ZKSCAN2: variants seen among roughly 807,000 people sequenced by gnomAD.
ZKSCAN2 encodes zinc finger protein with KRAB and SCAN domains 2.
In ZKSCAN2, 38 loss-of-function variants were observed where a neutral mutation model predicts 90.5. That is an observed-to-expected ratio of 0.42 (90% CI 0.32 to 0.55). The LOEUF is 0.55. Among genes scored for constraint, ZKSCAN2 ranks in the 20% least tolerant of loss-of-function variants. ZKSCAN2 has a pLI of 0.11. For missense variants in ZKSCAN2, 1,167 were observed against 1,202.6 expected (o/e 0.97, Z 0.44); for synonymous variants, 429 against 421.6 (o/e 1.02, Z -0.22).
Position 25,240,405 on chromosome 16 carries a change from T to A in ZKSCAN2, c.2315A>T (p.Glu772Val). The A allele has an allele frequency of 1.2e-6, 2 of 1,614,212 alleles. No individual in the cohort carries two copies. Among genetic ancestry groups the A allele is most frequent in the Non-Finnish European group, 1.7e-6 (2 of 1,180,032 alleles). ...RLMCRMTHHK[E>V]NPYKCGVCGK... ...ACAGACACCACACTTGTAAGGATTCTCCTTGTGGTGGGTCATCCGGCACAT... is the reference window on the plus strand; with the variant it reads ...ACAGACACCACACTTGTAAGGATTCACCTTGTGGTGGGTCATCCGGCACAT... The change falls in exon 7 of 7, where the codon GAG becomes GTG. Residue 772 changes from glutamate to valine, a missense_variant. Glu to Val is a moderately radical substitution (Grantham distance 121, BLOSUM62 -2). Coordinates refer to ENST00000328086, the MANE Select transcript of ZKSCAN2 (RefSeq NM_001012981.5).
chr16:25,250,446 G>A (rs1210397871), intron 4 of ZKSCAN2, among the ~76,000 whole-genome samples: 1 of 152,194 alleles, frequency 6.6e-6, no homozygotes, highest in Admixed American at 6.6e-5. Flanking sequence ...GAGAAAGTGA[G>A]AAGAGAACAG....
chr16:25,242,058 G>C (rs1422570764), intron 6 of ZKSCAN2, among the ~76,000 whole-genome samples: 1 of 152,098 alleles, frequency 6.6e-6, no homozygotes, highest in African/African-American at 2.4e-5. Context: ...TTGTAGAGAT[G>C]GGGTGTATGT....
At chr16:25,247,916 A>C (rs1480670890) in intron 4 of ZKSCAN2, among the ~76,000 whole-genome samples, 1 of 152,192 alleles carries the variant, frequency 6.6e-6, no homozygotes, top group Non-Finnish European at 1.5e-5. Flanking sequence ...AGACCAGTAG[A>C]ACAGAATAGA....
rs1483077425 is a variant in ZKSCAN2, at chr16:25,247,130, T to C, written c.1066A>G (p.Lys356Glu). ...EETKTFLAIL[K>E]ESRFYETLQA... ...AGTGTTTCATAAAAGCGAGACTCTT[T>C]GAGAATTGCCAGGAAAGTCTTTGTT... Residue 356 changes from lysine to glutamate, a missense_variant, in exon 5 of 7, where the codon AAA becomes GAA. Coordinates refer to ENST00000328086, the MANE Select transcript of ZKSCAN2 (RefSeq NM_001012981.5). 1 of 1,613,856 alleles carries C rather than the reference T, an allele frequency of 6.2e-7. No homozygotes were observed. The highest frequency in any genetic ancestry group is 8.5e-7 in the Non-Finnish European group (1 of 1,179,836).
Position 25,240,522 on chromosome 16 carries a change from C to T in ZKSCAN2, c.2198G>A (p.Gly733Glu), listed in dbSNP as rs1420682960. ...GKPMSQPRDL[G>E]KAVVHQRPFV... ...AGGCCTCTGATGCACAACGGCTTTC[C>T]CTAAATCTCTAGGCTGAGACATCGG... Residue 733 changes from glycine (G) to glutamate (E), a missense_variant, in exon 7 of 7, where the codon GGG (glycine) becomes GAG (glutamate). Transcript: ENST00000328086. 1 of 1,614,174 alleles carries T rather than the reference C, an allele frequency of 6.2e-7. No individual in the cohort carries two copies. Among genetic ancestry groups the T allele is most frequent in the Non-Finnish European group, 8.5e-7 (1 of 1,180,036 alleles).
In ZKSCAN2 at chr16:25,240,238, C is replaced by G; in HGVS notation, c.2482G>C (p.Glu828Gln). The change falls in exon 7 of 7, where the codon GAG becomes CAG. Residue 828 changes from glutamate (E) to glutamine (Q), a missense_variant. Coordinates refer to ENST00000328086, the MANE Select transcript of ZKSCAN2 (RefSeq NM_001012981.5). ...CACTCTCCGCATCTGTAGGGTTTCT[C>G]TCCTGTGTGGATTCTCTGGTGGGCA... ...FGAHQRIHTG[E>Q]KPYRCGECGK... The G allele has an allele frequency of 6.2e-7, 1 of 1,614,152 alleles. No homozygotes were observed. The highest frequency in any genetic ancestry group is 8.5e-7 in the Non-Finnish European group (1 of 1,180,012).
chr16:25,248,234 T>C (rs1011074849), intron 4 of ZKSCAN2, among the ~76,000 whole-genome samples: 2 of 55,876 alleles, frequency 3.6e-5, no homozygotes, highest in African/African-American at 1.4e-4. Flanking sequence ...GCAATGAAAG[T>C]AAAAATAAAT....
At chr16:25,249,997 A>G (rs1962996268) in intron 4 of ZKSCAN2, among the ~76,000 whole-genome samples, 1 of 152,176 alleles carries the variant, frequency 6.6e-6, no homozygotes, top group Admixed American at 6.5e-5. Context: ...AAAAAATATA[A>G]TGGAGTACTA....
At chr16:25,242,639 C>A (rs1393403366) in intron 6 of ZKSCAN2, among the ~76,000 whole-genome samples, 9 of 152,106 alleles carry the variant, frequency 5.9e-5, no homozygotes, top group African/African-American at 2.2e-4. Context: ...GGGAACATCG[C>A]AAGCTAAAGT....
At position 25,257,402 on chromosome 16, in the gene ZKSCAN2, A is replaced by G; in HGVS notation, c.-275T>C. The stretch of plus-strand genomic sequence containing the variant: ...TTCCAGAGTGCATCCCTCTTAGTGC[A>G]AAGTCGGAAACCGGGAGGCTGGACG... On this transcript the variant is annotated 5_prime_UTR_variant, in exon 1 of 7. Coordinates refer to ENST00000328086, the MANE Select transcript of ZKSCAN2 (RefSeq NM_001012981.5). 2.6e-6 allele frequency: 3 copies of G among 1,157,886 alleles called. No homozygotes were observed. The highest frequency in any genetic ancestry group is 3.2e-6 in the Non-Finnish European group (3 of 941,876). 71.7% of individuals were successfully genotyped at this position (1,157,886 alleles called of 1,614,324 possible).
chr16:25,247,471 C>T, intron 4 of ZKSCAN2, 81 bp from the exon 5 acceptor site: 1 of 1,265,236 alleles, frequency 7.9e-7, no homozygotes, highest in Non-Finnish European at 1.1e-6. Context: ...ACATGCTCTC[C>T]TGGGCCACTT....
intron 5 of ZKSCAN2, among the ~76,000 whole-genome samples, chr16:25,245,718 C>T (rs573887768): frequency 5.3e-5 from 8 of 150,454 alleles, no homozygotes; most frequent in African/African-American, 7.4e-5. Context: ...TGCAGTGAGC[C>T]GAGATTGCGC....
chr16:25,256,631 TTCTC>T, intron 1 of ZKSCAN2, 94 bp downstream of exon 1: 1 of 1,374,270 alleles, frequency 7.3e-7, no homozygotes, highest in Non-Finnish European at 9.9e-7. Flanking sequence ...CCATTTATCT[TTCTC>T]TGAAGAGCAC....
chr16:25,257,495 T>C lies in ZKSCAN2; in HGVS notation c.-368A>G. 4.0e-6 allele frequency: 4 copies of C among 1,000,104 alleles called. No homozygotes were observed. The highest frequency in any genetic ancestry group is 4.8e-6 in the Non-Finnish European group (4 of 840,952). 62.0% of individuals were successfully genotyped at this position (1,000,104 alleles called of 1,614,324 possible). ...GGCGGACAGCCGGGCCGGGAGGGGG[T>C]GTGTCCGCTACTCCCGGGTCGGGCG... On this transcript the variant is annotated 5_prime_UTR_variant, in exon 1 of 7. Coordinates refer to ENST00000328086, the MANE Select transcript of ZKSCAN2 (RefSeq NM_001012981.5).
chr16:25,256,631 T>C (rs1313257572), intron 1 of ZKSCAN2, 98 bp downstream of exon 1: 6 of 1,374,270 alleles, frequency 4.4e-6, no homozygotes, highest in African/African-American at 1.4e-5. Context: ...CCATTTATCT[T>C]TCTCTGAAGA....
At chr16:25,242,008 T>C (rs1486718926) in intron 6 of ZKSCAN2, among the ~76,000 whole-genome samples, 6 of 152,206 alleles carry the variant, frequency 3.9e-5, no homozygotes, top group Non-Finnish European at 7.3e-5. Context: ...TTGCTGGGAT[T>C]ACAGGTGCAC....
At chr16:25,248,122 T>G (rs902919266) in intron 4 of ZKSCAN2, among the ~76,000 whole-genome samples, 1 of 151,940 alleles carries the variant, frequency 6.6e-6, no homozygotes, top group Admixed American at 6.6e-5. Flanking sequence ...GCCTTAAATA[T>G]AAGACCTGAA....
chr16:25,246,963 G>A lies in ZKSCAN2; in HGVS notation c.1233C>T (p.His411=), dbSNP rs141129161. ...CAAAGAAGGCGCAGGGTTCTAGCAT[G>A]TGGCCATTTCTCACCTTTCGATAGC... ...QKSYRKVRNG[H]MLEPCAFFED... Residue 411 remains histidine, a synonymous_variant, in exon 5 of 7, where the codon CAC becomes CAT. Coordinates refer to ENST00000328086, the MANE Select transcript of ZKSCAN2 (RefSeq NM_001012981.5). 131 of 1,614,198 alleles carry A rather than the reference G, an allele frequency of 8.1e-5. No homozygotes were observed. Among genetic ancestry groups the A allele is most frequent in the Non-Finnish European group, 1.1e-4 (125 of 1,180,040 alleles).
Position 25,248,992 on chromosome 16 carries a change from G to A in ZKSCAN2, c.806-1602C>T, listed in dbSNP as rs151001334. ...TTCTGCCTTTTGCAACAACATGGAC[G>A]AACATGGAGAACATTATGTTAACTA... is the stretch of plus-strand genomic sequence containing the variant. On this transcript the variant is annotated intron_variant, in intron 4 of 6. Transcript: ENST00000328086. Among the ~76,000 whole-genome samples, 232 of 152,276 alleles carry A rather than the reference G, an allele frequency of 1.5e-3. 1 individual carries two copies. The highest frequency in any genetic ancestry group is 5.5e-3 in the African/African-American group (228 of 41,562).
Sources: gnomAD v4.1 joint callset for allele counts (sites outside exome capture counted in the v4.1 genomes callset) on GRCh38, gnomAD v4.1.1 for gene constraint, MANE v1.5 for transcripts, NCBI Gene and HGNC (gene_info 2026-07-23, HGNC 2026-07-21) for gene names.